Variants in CDH6 observed in about 807,000 individuals in gnomAD.
CDH6 encodes cadherin-6.
In CDH6, 31 loss-of-function variants were observed where a neutral mutation model predicts 78.0. That is an observed-to-expected ratio of 0.40 (90% CI 0.30 to 0.54). The LOEUF (loss-of-function observed/expected upper bound fraction) is 0.54, where lower values mean the gene tolerates loss of function less well. CDH6 is among the 20% of genes least tolerant of loss of function. CDH6 has a pLI of 0.56. For synonymous variants in CDH6, 376 were observed against 368.8 expected (o/e 1.02, Z -0.23); for missense variants, 724 against 975.9 (o/e 0.74, Z 3.44).
intron 1 of CDH6, among the ~76,000 whole-genome samples, chr5:31,215,132 T>G (rs902489851): frequency 5.9e-5 from 9 of 152,214 alleles, no homozygotes; most frequent in African/African-American, 1.9e-4. Context: ...TCTGACACTT[T>G]GTTTATTGAA....
intron 2 of CDH6, among the ~76,000 whole-genome samples, chr5:31,281,909 A>G (rs983293143): frequency 1.3e-5 from 2 of 152,146 alleles, no homozygotes; most frequent in Non-Finnish European, 2.9e-5. Flanking sequence ...CTCTGGCCTC[A>G]GTTTCCTAAT....
intron 1 of CDH6, among the ~76,000 whole-genome samples, chr5:31,225,357 C>T (rs890784760): frequency 2.6e-5 from 4 of 152,184 alleles, no homozygotes; most frequent in Admixed American, 6.5e-5. Context: ...TATTATTACT[C>T]TTACTATAGA....
rs564442162 is a variant in CDH6, at chr5:31,215,646, G to A, written c.-129+21760G>A. Among the ~76,000 whole-genome samples the A allele has an allele frequency of 3.3e-5, 5 of 152,124 alleles. No homozygotes were observed. In the East Asian group the frequency reaches 9.7e-4, roughly 29 times the overall value. ...TCTAAAGTAAAGAGCTTTGCCACAG[G>A]TATCCAGATGCAGGACGGAATCAAG... is the stretch of plus-strand genomic sequence containing the variant. On this transcript the variant is annotated intron_variant, in intron 1 of 11. Coordinates refer to ENST00000265071, the MANE Select transcript of CDH6 (RefSeq NM_004932.4).
At chr5:31,238,035 C>G in intron 1 of CDH6, among the ~76,000 whole-genome samples, 1 of 152,162 alleles carries the variant, frequency 6.6e-6, no homozygotes, top group East Asian at 1.9e-4. Flanking sequence ...TCCTTTGGCT[C>G]TTCTCTTTAA....
chr5:31,200,440 G>C (rs1740318358), intron 1 of CDH6, among the ~76,000 whole-genome samples: 1 of 151,886 alleles, frequency 6.6e-6, no homozygotes, highest in Admixed American at 6.6e-5. Flanking sequence ...GTAAGATAGT[G>C]TTTGTGTCCT....
chr5:31,287,718 C>T (rs1743047563), intron 2 of CDH6, among the ~76,000 whole-genome samples: 1 of 152,148 alleles, frequency 6.6e-6, no homozygotes. Context: ...TCAGAACTAC[C>T]TAAGGAGTTT....
chr5:31,263,259 CTTTT>C (rs58797373), intron 1 of CDH6, among the ~76,000 whole-genome samples: 1 of 127,734 alleles, frequency 7.8e-6, no homozygotes, highest in Non-Finnish European at 1.6e-5. Flanking sequence ...GGTCTCTCTT[CTTTT>C]TTTTTTTTTT....
At chr5:31,199,439 TATATACACACAC>T in intron 1 of CDH6, among the ~76,000 whole-genome samples, 1 of 3,796 alleles carries the variant, frequency 2.6e-4, no homozygotes, top group East Asian at 0.028. Context: ...CATATGTGTA[TATATACACACAC>T]ATATGTGTAT....
intron 1 of CDH6, among the ~76,000 whole-genome samples, chr5:31,233,674 G>A (rs903365679): frequency 4.6e-5 from 7 of 152,060 alleles, no homozygotes; most frequent in African/African-American, 1.4e-4. Flanking sequence ...GTGTGGCTAC[G>A]ACATTTGCTG....
In CDH6 at chr5:31,324,876, C is replaced by T. The variant is rs920727770; in HGVS notation, c.*1568C>T. 1.4e-4 allele frequency: 28 copies of T among 203,250 alleles called. No individual in the cohort carries two copies. Among genetic ancestry groups the T allele is most frequent in the African/African-American group, 6.2e-4 (27 of 43,662 alleles). The allele number at this position is 203,250 out of a possible 1,614,324, so 12.6% of individuals were successfully genotyped here. Reference sequence around the variant, plus strand: ...TGCAGTCATCAGAAATTCCAGCGTACTATAATGAAAACATCCTTGTTTTGA... The same window carrying T: ...TGCAGTCATCAGAAATTCCAGCGTATTATAATGAAAACATCCTTGTTTTGA... On this transcript the variant is annotated 3_prime_UTR_variant, in exon 12 of 12. Transcript: ENST00000265071.
rs553577559 is a variant in CDH6, at chr5:31,234,570, C to T, written c.-128-32776C>T. 3.3e-5 allele frequency among the ~76,000 whole-genome samples: 5 copies of T among 152,330 alleles called. No individual in the cohort carries two copies. In the South Asian group the frequency reaches 1.0e-3, roughly 32 times the overall value. ...GGGGAATCCCATCTCCACCTCCACT[C>T]CACCACCAGGTTCTCACTGTAAATC... On this transcript the variant is annotated intron_variant, in intron 1 of 11. Coordinates refer to ENST00000265071, the MANE Select transcript of CDH6 (RefSeq NM_004932.4).
At chr5:31,226,098 C>T (rs1428002401) in intron 1 of CDH6, among the ~76,000 whole-genome samples, 2 of 152,038 alleles carry the variant, frequency 1.3e-5, no homozygotes, top group Non-Finnish European at 2.9e-5. Flanking sequence ...CTAAGTAGCC[C>T]ATTGGGTAGG....
At chr5:31,283,659 A>G (rs778578592) in intron 2 of CDH6, among the ~76,000 whole-genome samples, 7 of 152,108 alleles carry the variant, frequency 4.6e-5, no homozygotes, top group African/African-American at 7.2e-5. Context: ...AAATATTTAC[A>G]CCATTATAAA....
chr5:31,204,942 T>C (rs1186248256), intron 1 of CDH6, among the ~76,000 whole-genome samples: 2 of 152,204 alleles, frequency 1.3e-5, no homozygotes, highest in African/African-American at 4.8e-5. Flanking sequence ...CTAAGAATGA[T>C]ATTCAGCCAA....
rs566569749 is a variant in CDH6 at position 31,293,639 on chromosome 5, A to G, written c.229-323A>G. ...TGAAAAATAGGAAAATCGTGAAAAGAGTCTCATTCCAGCCACCCTAATACG... is the reference window on the plus strand; with the variant it reads ...TGAAAAATAGGAAAATCGTGAAAAGGGTCTCATTCCAGCCACCCTAATACG... On this transcript the variant is annotated intron_variant, in intron 2 of 11. Transcript: ENST00000265071. Among the ~76,000 whole-genome samples the G allele has an allele frequency of 3.3e-5, 5 of 152,246 alleles. No individual in the cohort carries two copies. The South Asian group carries it at 1.0e-3, about 32-fold the overall frequency.
intron 2 of CDH6, among the ~76,000 whole-genome samples, chr5:31,272,553 G>A (rs1742556796): frequency 6.6e-6 from 1 of 152,176 alleles, no homozygotes; most frequent in African/African-American, 2.4e-5. Context: ...CGTAGATACA[G>A]ATTAGATTTT....
At chr5:31,257,202 C>A (rs10039315) in intron 1 of CDH6, among the ~76,000 whole-genome samples, 134 of 151,654 alleles carry the variant, frequency 8.8e-4, no homozygotes, top group African/African-American at 3.2e-3. Flanking sequence ...CTTGCTCTGT[C>A]GCCCAGGTGG....
At chr5:31,283,971 C>T (rs1346613666) in intron 2 of CDH6, among the ~76,000 whole-genome samples, 7 of 152,048 alleles carry the variant, frequency 4.6e-5, no homozygotes, top group Admixed American at 2.6e-4. Context: ...GGCACCACCA[C>T]GCCCAGCTAA....
At chr5:31,284,962 A>G (rs1742973438) in intron 2 of CDH6, among the ~76,000 whole-genome samples, 1 of 152,240 alleles carries the variant, frequency 6.6e-6, no homozygotes, top group Non-Finnish European at 1.5e-5. Flanking sequence ...ACTGGGATTT[A>G]TCCTAAAGAG....
Sources: gnomAD v4.1 joint callset for allele counts (sites outside exome capture counted in the v4.1 genomes callset) on GRCh38, gnomAD v4.1.1 for gene constraint, MANE v1.5 for transcripts, NCBI Gene and HGNC (gene_info 2026-07-23, HGNC 2026-07-21) for gene names.